The following SNTG1 variants were observed in gnomAD, a reference collection of about 807,000 sequenced individuals.
The protein encoded by SNTG1 is syntrophin gamma 1, also known as gamma-1-syntrophin.
A neutral mutation model predicts 74.7 loss-of-function variants in SNTG1; 39 were observed. The observed-to-expected ratio is 0.52, with a 90% CI of 0.40 to 0.68. The LOEUF (loss-of-function observed/expected upper bound fraction) is 0.68, where lower values mean the gene tolerates loss of function less well. Ranked by LOEUF, SNTG1 falls within the 30% of genes least tolerant of loss-of-function variation. The probability of loss-of-function intolerance (pLI) is 0.00; values close to 1 mark genes in which losing one functional copy is unlikely to be tolerated. For synonymous variants in SNTG1, 254 were observed against 217.1 expected (o/e 1.17, Z -1.49); for missense variants, 685 against 609.5 (o/e 1.12, Z -1.30).
At chr8:50,507,301 G>C (rs577550752) in intron 9 of SNTG1, among the ~76,000 whole-genome samples, 1 of 151,990 alleles carries the variant, frequency 6.6e-6, no homozygotes, top group South Asian at 2.1e-4. Flanking sequence ...ATTTTTTGTA[G>C]TATCTTTGCT....
chr8:49,930,498 AATATATATG>A (rs1320011941), intron 1 of SNTG1, among the ~76,000 whole-genome samples: 4 of 19,468 alleles, frequency 2.1e-4, no homozygotes, highest in African/African-American at 2.9e-4. Context: ...GGAGATATAT[AATATATATG>A]TGTGTATATA....
chr8:50,327,407 G>A (rs2130854299), intron 2 of SNTG1, among the ~76,000 whole-genome samples: 1 of 152,086 alleles, frequency 6.6e-6, no homozygotes, highest in Admixed American at 6.5e-5. Context: ...CCTTTACTAT[G>A]GTTCAGTACT....
chr8:50,692,516 T>G (rs2095385723), intron 15 of SNTG1, among the ~76,000 whole-genome samples: 1 of 152,186 alleles, frequency 6.6e-6, no homozygotes, highest in Admixed American at 6.5e-5. Context: ...GGAGGTCCAC[T>G]CCAGACCCTG....
At chr8:50,101,441 G>A (rs867301720) in intron 1 of SNTG1, among the ~76,000 whole-genome samples, 48 of 152,108 alleles carry the variant, frequency 3.2e-4, no homozygotes, top group Middle Eastern at 6.8e-3. Context: ...CTTCAGCATC[G>A]TTATTCTTTG....
chr8:50,212,828 T>C (rs1407948506), intron 2 of SNTG1, among the ~76,000 whole-genome samples: 2 of 152,184 alleles, frequency 1.3e-5, no homozygotes, highest in East Asian at 1.9e-4. Context: ...TTCAGTTTCT[T>C]CCAGCAGCTG....
intron 11 of SNTG1, among the ~76,000 whole-genome samples, chr8:50,548,050 A>G (rs762888752): frequency 1.3e-5 from 2 of 152,232 alleles, no homozygotes; most frequent in Admixed American, 6.5e-5. Flanking sequence ...AACAAAGTAG[A>G]CAAGAGCAAC....
intron 17 of SNTG1, among the ~76,000 whole-genome samples, chr8:50,730,494 T>A (rs1445353513): frequency 6.6e-6 from 1 of 152,162 alleles, no homozygotes; most frequent in Non-Finnish European, 1.5e-5. Context: ...GACAAAAGCT[T>A]TATGCATTAA....
At chr8:50,083,993 AATTCTGAGTTCTTC>A (rs1822640434) in intron 1 of SNTG1, among the ~76,000 whole-genome samples, 1 of 152,196 alleles carries the variant, frequency 6.6e-6, no homozygotes, top group South Asian at 2.1e-4. Context: ...AACCTCTTTC[AATTCTGAGTTCTTC>A]ATTCTTTTAG....
chr8:50,095,968 A>G (rs1001760767), intron 1 of SNTG1, among the ~76,000 whole-genome samples: 3 of 87,294 alleles, frequency 3.4e-5, no homozygotes, highest in Non-Finnish European at 7.4e-5. Flanking sequence ...TATCTTAATT[A>G]TTATTACCTG....
At chr8:50,497,411 T>C (rs2093914206) in intron 8 of SNTG1, among the ~76,000 whole-genome samples, 1 of 152,092 alleles carries the variant, frequency 6.6e-6, no homozygotes, top group South Asian at 2.1e-4. Context: ...ATATAGAATA[T>C]GAGTACTTAG....
chr8:50,055,752 T>TA (rs1819970643), intron 1 of SNTG1, among the ~76,000 whole-genome samples: 2 of 152,276 alleles, frequency 1.3e-5, no homozygotes, highest in South Asian at 4.1e-4. Flanking sequence ...AAGTTGGTCC[T>TA]AACTCATAAC....
intron 2 of SNTG1, among the ~76,000 whole-genome samples, chr8:50,263,802 T>C (rs1048035759): frequency 2.0e-5 from 3 of 152,132 alleles, no homozygotes; most frequent in Admixed American, 1.3e-4. Flanking sequence ...AGCACAATAA[T>C]GCAGAAGACT....
chr8:50,624,379 G>A (rs147510347), intron 13 of SNTG1, among the ~76,000 whole-genome samples: 6 of 151,186 alleles, frequency 4.0e-5, no homozygotes, highest in African/African-American at 1.5e-4. Context: ...AATTTTGTTT[G>A]GCAGCTCTAA....
chr8:50,538,775 T>C (rs534417988), intron 11 of SNTG1, among the ~76,000 whole-genome samples: 1 of 152,264 alleles, frequency 6.6e-6, no homozygotes, highest in Admixed American at 6.5e-5. Flanking sequence ...ACTTGATTAG[T>C]CCCGCTTTCC....
intron 1 of SNTG1, among the ~76,000 whole-genome samples, chr8:50,107,544 G>A (rs186622689): frequency 2.7e-3 from 404 of 151,238 alleles, no homozygotes; most frequent in Non-Finnish European, 4.4e-3. Context: ...ACATAAATGC[G>A]GAATCAAGGT....
chr8:50,408,670 G>A (rs897844760), intron 4 of SNTG1, among the ~76,000 whole-genome samples: 19 of 152,158 alleles, frequency 1.2e-4, no homozygotes, highest in African/African-American at 4.6e-4. Flanking sequence ...ATTTGGAGAA[G>A]CTCCAGTCAG....
intron 13 of SNTG1, among the ~76,000 whole-genome samples, chr8:50,654,682 A>C (rs2095169642): frequency 6.6e-6 from 1 of 152,180 alleles, no homozygotes; most frequent in African/African-American, 2.4e-5. Context: ...TATTGACATA[A>C]GTAATGTTAT....
At chr8:50,658,704 C>T (rs2095199427) in intron 15 of SNTG1, 41 bp downstream of exon 15, 2 of 1,389,364 alleles carry the variant, frequency 1.4e-6, no homozygotes, top group Admixed American at 1.8e-5. Flanking sequence ...GGCTTTTCCT[C>T]AGCAAATAGT....
intron 1 of SNTG1, among the ~76,000 whole-genome samples, chr8:50,046,153 C>T (rs1327343335): frequency 1.3e-5 from 2 of 152,138 alleles, no homozygotes; most frequent in Non-Finnish European, 2.9e-5. Flanking sequence ...AAATAATATC[C>T]TTCTTTCGAC....
Sources: gnomAD v4.1 joint callset for allele counts (sites outside exome capture counted in the v4.1 genomes callset) on GRCh38, gnomAD v4.1.1 for gene constraint, MANE v1.5 for transcripts, NCBI Gene and HGNC (gene_info 2026-07-23, HGNC 2026-07-21) for gene names.